ZPBP: variants seen among roughly 807,000 people sequenced by gnomAD.
ZPBP encodes zona pellucida-binding protein 1.
A neutral mutation model predicts 44.8 loss-of-function variants in ZPBP; 26 were observed. The ratio of observed to expected loss-of-function variants is 0.58; its 90% confidence interval spans 0.43 to 0.81. The LOEUF (loss-of-function observed/expected upper bound fraction) is 0.81. ZPBP is among the 30% of genes least tolerant of loss of function. The probability of loss-of-function intolerance (pLI) is 0.00; values close to 1 mark genes in which losing one functional copy is unlikely to be tolerated. For missense variants in ZPBP, 409 were observed against 434.0 expected, an observed-to-expected ratio of 0.94 and a Z score of 0.51; for synonymous variants, 174 against 153.2, an observed-to-expected ratio of 1.14 and a Z score of -1.00.
intron 6 of ZPBP, among the ~76,000 whole-genome samples, chr7:50,016,667 C>G (rs997752074): frequency 2.0e-5 from 3 of 152,132 alleles, no homozygotes; most frequent in Non-Finnish European, 4.4e-5. Flanking sequence ...AATCCCTATG[C>G]TTTAACACAC....
intron 3 of ZPBP, among the ~76,000 whole-genome samples, chr7:50,065,039 C>T (rs1225086063): frequency 5.3e-5 from 8 of 152,212 alleles, no homozygotes; most frequent in Admixed American, 2.6e-4. Context: ...TCACAATCCA[C>T]GTTCTTCTGC....
chr7:49,902,109 T>C (rs1532989), intron 1 of ZPBP, among the ~76,000 whole-genome samples: 111,732 of 151,700 alleles, frequency 0.74, 41,359 homozygotes, highest in East Asian at 0.89. Context: ...GGAGAAAGTC[T>C]AGATAGCTTT....
At chr7:50,016,231 T>C (rs1333404492) in intron 6 of ZPBP, among the ~76,000 whole-genome samples, 3 of 152,090 alleles carry the variant, frequency 2.0e-5, no homozygotes, top group Admixed American at 1.3e-4. Flanking sequence ...TATGCAGCCA[T>C]AAAAAAGAAC....
intron 5 of ZPBP, 84 bp from the exon 6 acceptor site, chr7:50,018,400 T>C: frequency 9.3e-7 from 1 of 1,080,902 alleles, no homozygotes; most frequent in South Asian, 1.4e-5. Flanking sequence ...TGAAAGGATA[T>C]TCTAACATTT....
At chr7:49,900,376 AG>A (rs1343774130) in intron 2 of ZPBP, among the ~76,000 whole-genome samples, 2 of 151,786 alleles carry the variant, frequency 1.3e-5, no homozygotes, top group African/African-American at 2.4e-5. Flanking sequence ...TTAAAACAAA[AG>A]CTTGTTTATT....
intron 1 of ZPBP, chr7:49,917,216 C>T (rs1163848886): frequency 6.6e-6 from 1 of 151,978 alleles, no homozygotes; most frequent in African/African-American, 2.4e-5. Context: ...GAATGATAAC[C>T]ATTTAAAAGT....
intron 2 of ZPBP, among the ~76,000 whole-genome samples, chr7:49,869,228 AT>A (rs1791034083): frequency 6.6e-6 from 1 of 152,214 alleles, no homozygotes; most frequent in South Asian, 2.1e-4. Flanking sequence ...ATTGACTATA[AT>A]TCCATGAGAT....
At chr7:49,950,431 C>T (rs1019110437) in intron 7 of ZPBP, among the ~76,000 whole-genome samples, 9 of 151,670 alleles carry the variant, frequency 5.9e-5, no homozygotes, top group African/African-American at 2.2e-4. Flanking sequence ...TTATTTTATG[C>T]GACTGGACAA....
downstream of ZPBP, chr7:49,937,420 ACATT>A: frequency 1.2e-6 from 1 of 847,078 alleles, no homozygotes; most frequent in Non-Finnish European, 2.0e-6. Context: ...AAATGATGAC[ACATT>A]TTTTTGTAAA....
intron 1 of ZPBP, among the ~76,000 whole-genome samples, chr7:50,092,570 C>A (rs3807324): frequency 0.84 from 127,487 of 152,254 alleles, 53,424 homozygotes; most frequent in East Asian, 0.92. Context: ...CAGTATCTTA[C>A]ATGTATTTTT....
intron 4 of ZPBP, chr7:50,056,243 T>C (rs1395931320): frequency 6.6e-6 from 1 of 152,204 alleles, no homozygotes; most frequent in African/African-American, 2.4e-5. Flanking sequence ...AATCAAGCTG[T>C]ATTCATTCTG....
chr7:49,857,064 C>G (rs1199520095), intron 2 of ZPBP, among the ~76,000 whole-genome samples: 2 of 132,962 alleles, frequency 1.5e-5, no homozygotes, highest in Non-Finnish European at 3.2e-5. Flanking sequence ...TATCTACCTT[C>G]TTAACAAATT....
At chr7:50,073,417 C>T (rs1270515845) in intron 3 of ZPBP, among the ~76,000 whole-genome samples, 1 of 151,962 alleles carries the variant, frequency 6.6e-6, no homozygotes, top group East Asian at 1.9e-4. Flanking sequence ...AAAATAGCCT[C>T]AAAACAGCAA....
chr7:49,960,987 G>T (rs1023126668), intron 7 of ZPBP, among the ~76,000 whole-genome samples: 1 of 152,084 alleles, frequency 6.6e-6, no homozygotes, highest in Non-Finnish European at 1.5e-5. Flanking sequence ...ACTTTATAAA[G>T]CCAATTGTTG....
At chr7:49,841,000 C>T in the ZPBP span, among the ~76,000 whole-genome samples, 5 of 152,192 alleles carry the variant, frequency 3.3e-5, no homozygotes, top group South Asian at 4.1e-4. Context: ...AGAAGGAATA[C>T]CTTTTTCAAG....
chr7:50,016,366 C>G (rs1167144031), intron 6 of ZPBP, among the ~76,000 whole-genome samples: 1 of 152,076 alleles, frequency 6.6e-6, no homozygotes, highest in Admixed American at 6.6e-5. Flanking sequence ...ACATTGAGCA[C>G]ACATGGACAC....
chr7:50,089,851 T>C (rs998472880), intron 1 of ZPBP, 142 bp from the exon 2 acceptor site: 1 of 680,714 alleles, frequency 1.5e-6, no homozygotes, highest in Non-Finnish European at 2.6e-6. Context: ...GTTCCAACTC[T>C]ATTCCCCCTC....
intron 2 of ZPBP, among the ~76,000 whole-genome samples, chr7:49,881,556 T>A (rs560380817): frequency 7.2e-5 from 11 of 152,170 alleles, no homozygotes; most frequent in Non-Finnish European, 1.6e-4. Context: ...AAGCTCAAGA[T>A]ATGTGTTATT....
At chr7:49,926,813 G>A (rs1583854985) in intron 1 of ZPBP, among the ~76,000 whole-genome samples, 1 of 152,236 alleles carries the variant, frequency 6.6e-6, no homozygotes, top group Non-Finnish European at 1.5e-5. Context: ...ATGCAGGAGA[G>A]CAGGAAGGAG....
Sources: allele counts gnomAD v4.1 joint callset (sites outside exome capture counted in the v4.1 genomes callset), GRCh38; gene constraint gnomAD v4.1.1; transcripts MANE v1.5; gene names NCBI Gene and HGNC (gene_info 2026-07-23, HGNC 2026-07-21).